ATXN7: variants seen among roughly 807,000 people sequenced by gnomAD.
ATXN7 encodes ataxin-7.
A neutral mutation model predicts 70.5 loss-of-function variants in ATXN7; 12 were observed. That is an observed-to-expected ratio of 0.17 (90% CI 0.11 to 0.28). The LOEUF (loss-of-function observed/expected upper bound fraction) is 0.28. Among genes scored for constraint, ATXN7 ranks in the 10% least tolerant of loss-of-function variants. The pLI is 1.00. For synonymous variants in ATXN7, 498 were observed against 448.7 expected (o/e 1.11, Z -1.39); for missense variants, 1,256 against 1,131.7 (o/e 1.11, Z -1.58).
rs754267860 is a variant in ATXN7 at position 64,003,205 on chromosome 3, C to CTTTTT, written c.*3758_*3762dup. 71 of 75,522 alleles carry CTTTTT rather than the reference C, an allele frequency of 9.4e-4. No homozygotes were observed. The highest frequency in any genetic ancestry group is 2.2e-3 in the East Asian group (5 of 2,324). The allele number at this position is 75,522 out of a possible 1,614,324, so 4.7% of individuals were successfully genotyped here. On this transcript the variant is annotated 3_prime_UTR_variant, in exon 13 of 13. Coordinates refer to ENST00000674280, the MANE Select transcript of ATXN7 (RefSeq NM_001377405.1). ...AATGTAGGGCCTTGAAAGCATTTTGCTTTTTTTTTTTTTTTTTTTTTTTTG... is the reference window on the plus strand; with the variant it reads ...AATGTAGGGCCTTGAAAGCATTTTGCTTTTTTTTTTTTTTTTTTTTTTTTTTTTTG...
chr3:63,985,729 C>A (rs1296873778), intron 8 of ATXN7, among the ~76,000 whole-genome samples: 1 of 152,204 alleles, frequency 6.6e-6, no homozygotes, highest in Non-Finnish European at 1.5e-5. Flanking sequence ...AATATCCCGT[C>A]GAAAGTCCTC....
At chr3:63,868,081 A>T (rs1702488810) in intron 1 of ATXN7, among the ~76,000 whole-genome samples, 1 of 152,148 alleles carries the variant, frequency 6.6e-6, no homozygotes, top group African/African-American at 2.4e-5. Context: ...AGATCGTTTG[A>T]TGGTAGATAA....
At chr3:63,879,436 T>G (rs1702841084) in intron 1 of ATXN7, among the ~76,000 whole-genome samples, 1 of 152,034 alleles carries the variant, frequency 6.6e-6, no homozygotes, top group Admixed American at 6.6e-5. Context: ...ATTATTAAGG[T>G]TAAGGTGCAA....
chr3:63,926,001 C>T (rs571102830), intron 4 of ATXN7, among the ~76,000 whole-genome samples: 1 of 152,250 alleles, frequency 6.6e-6, no homozygotes, highest in Non-Finnish European at 1.5e-5. Flanking sequence ...GCCAGTTGGG[C>T]ATGTAGCCAC....
intron 4 of ATXN7, among the ~76,000 whole-genome samples, chr3:63,937,919 G>C (rs1359016446): frequency 6.6e-6 from 1 of 152,172 alleles, no homozygotes; most frequent in Non-Finnish European, 1.5e-5. Flanking sequence ...GTAACATAAA[G>C]CATGGAAAGT....
chr3:63,931,816 G>A (rs1704977701), intron 4 of ATXN7, among the ~76,000 whole-genome samples: 1 of 152,090 alleles, frequency 6.6e-6, no homozygotes, highest in South Asian at 2.1e-4. Flanking sequence ...GACATGGGTG[G>A]CAGATGTAAG....
chr3:63,885,273 C>G (rs1673850735), intron 1 of ATXN7, among the ~76,000 whole-genome samples: 2 of 152,062 alleles, frequency 1.3e-5, no homozygotes, highest in South Asian at 4.2e-4. Flanking sequence ...AAACAGATAA[C>G]CCAATTAAAA....
At chr3:63,946,319 A>G (rs2074861299) in intron 4 of ATXN7, among the ~76,000 whole-genome samples, 1 of 152,140 alleles carries the variant, frequency 6.6e-6, no homozygotes, top group Non-Finnish European at 1.5e-5. Context: ...AGAGCTTTCT[A>G]TGCTGTAGGA....
chr3:63,919,217 G>T (rs1402392511), intron 4 of ATXN7, among the ~76,000 whole-genome samples: 1 of 152,152 alleles, frequency 6.6e-6, no homozygotes, highest in Non-Finnish European at 1.5e-5. Context: ...CGTAGTGACG[G>T]GCATTCATTT....
chr3:63,931,281 T>G (rs1164334496), intron 4 of ATXN7, among the ~76,000 whole-genome samples: 1 of 152,138 alleles, frequency 6.6e-6, no homozygotes, highest in Non-Finnish European at 1.5e-5. Context: ...GTGCTGATCT[T>G]CTTGCTGTTA....
intron 1 of ATXN7, chr3:63,866,732 C>A (rs980063126): frequency 6.6e-6 from 1 of 152,168 alleles, no homozygotes; most frequent in Admixed American, 6.5e-5. Context: ...GAGAGAACAT[C>A]TTTTAGTAAA....
At chr3:63,949,327 A>G (rs1006450498) in intron 4 of ATXN7, among the ~76,000 whole-genome samples, 6 of 150,780 alleles carry the variant, frequency 4.0e-5, no homozygotes, top group Non-Finnish European at 5.9e-5. Context: ...ACTTCCAAAT[A>G]TGGATATCTG....
intron 1 of ATXN7, chr3:63,864,528 C>A (rs1320745376): frequency 6.6e-6 from 1 of 152,184 alleles, no homozygotes; most frequent in Non-Finnish European, 1.5e-5. Flanking sequence ...TGCGGCCGCC[C>A]CCTTCCTTCC....
Position 63,988,108 on chromosome 3 carries a change from T to C in ATXN7, c.1145T>C (p.Phe382Ser). 6.2e-7 allele frequency: 1 copy of C among 1,614,132 alleles called. No homozygotes were observed. The highest frequency in any genetic ancestry group is 8.5e-7 in the Non-Finnish European group (1 of 1,180,028). The change falls in exon 9 of 13, where the codon TTT becomes TCT. Residue 382 changes from phenylalanine to serine, a missense_variant. Physicochemically the swap from Phe to Ser is radical, Grantham distance 155 (BLOSUM62 -2). Transcript: ENST00000674280. ...RRAVQGRRKR[F>S]DVLLAEHKNK... ...GCTGTCCAGGGTAGAAGAAAACGAT[T>C]TGATGTGTTATTAGCCGAGCACAAA...
chr3:63,909,040 A>G (rs1703931307), intron 2 of ATXN7, among the ~76,000 whole-genome samples: 1 of 152,178 alleles, frequency 6.6e-6, no homozygotes, highest in Non-Finnish European at 1.5e-5. Flanking sequence ...TGAAATTACT[A>G]TCTTGTGTTC....
intron 1 of ATXN7, among the ~76,000 whole-genome samples, chr3:63,881,748 A>G (rs1375377949): frequency 6.6e-6 from 1 of 152,164 alleles, no homozygotes; most frequent in Non-Finnish European, 1.5e-5. Flanking sequence ...TTGGCGTCCC[A>G]GAGTGTTGGG....
Position 63,996,461 on chromosome 3 carries a change from T to C in ATXN7, c.2639T>C (p.Met880Thr). The C allele has an allele frequency of 6.2e-7, 1 of 1,614,162 alleles. No homozygotes were observed. Among genetic ancestry groups the C allele is most frequent in the Admixed American group, 1.7e-5 (1 of 60,020 alleles). ...TGTIPGAQGL[M>T]NSSLLHQPKA... is the part of the protein sequence containing the mutation. ...ACCATCCCAGGGGCACAAGGACTGA[T>C]GAACAGTTCCCTCCTTCATCAGGTA... The change falls in exon 12 of 13, where the codon ATG becomes ACG. Residue 880 changes from methionine to threonine, a missense_variant. Met to Thr is a moderately conservative substitution (Grantham distance 81). Transcript: ENST00000674280.
intron 1 of ATXN7, among the ~76,000 whole-genome samples, chr3:63,897,497 A>ATC (rs1243625104): frequency 6.6e-6 from 1 of 152,184 alleles, no homozygotes; most frequent in Non-Finnish European, 1.5e-5. Context: ...GTATCTTAGG[A>ATC]TCTCAGGCCA....
At chr3:63,990,947 T>A (rs2075661993) in intron 11 of ATXN7, 88 bp downstream of exon 11, 1 of 1,588,892 alleles carries the variant, frequency 6.3e-7, no homozygotes. Flanking sequence ...GTTATGAAGA[T>A]ATGCTTATCT....
Sources: allele counts gnomAD v4.1 joint callset (sites outside exome capture counted in the v4.1 genomes callset), GRCh38; gene constraint gnomAD v4.1.1; transcripts MANE v1.5; gene names NCBI Gene and HGNC (gene_info 2026-07-23, HGNC 2026-07-21).